Variants in ZFHX3 observed in about 807,000 individuals in gnomAD.
ZFHX3 encodes the protein zinc finger homeobox protein 3.
ZFHX3 carries 42 observed loss-of-function variants against 279.1 expected under a neutral mutation model. The ratio of observed to expected loss-of-function variants is 0.15; its 90% CI spans 0.12 to 0.19. The LOEUF (loss-of-function observed/expected upper bound fraction) is 0.19. Among genes scored for constraint, ZFHX3 ranks in the 10% least tolerant of loss-of-function variants. The pLI, the probability that ZFHX3 is intolerant of heterozygous loss-of-function variation, is 1.00. For missense variants in ZFHX3, 4,981 were observed against 4,754.0 expected (o/e 1.05, Z -1.40); for synonymous variants, 2,293 against 1,957.8 (o/e 1.17, Z -4.52).
Position 73,753,985 on chromosome 16 carries a change from A to AGTGTGTGTGTGTGTGTGTGTGT in ZFHX3, c.-1607-73746_-1607-73745insACACACACACACACACACACAC, listed in dbSNP as rs2053783574. On this transcript the variant is annotated intron_variant, in intron 1 of 17. Transcript: ENST00000641206. ...AGTAATGAGAAAAATAGTAAGAATC[A>AGTGTGTGTGTGTGTGTGTGTGT]ATGTGTGTGTGTGTGTGTGTGTAAA... is the stretch of plus-strand genomic sequence containing the variant. Among the ~76,000 whole-genome samples the AGTGTGTGTGTGTGTGTGTGTGT allele has an allele frequency of 2.4e-4, 7 of 29,452 alleles. No homozygotes were observed. In the South Asian group the frequency reaches 7.8e-3, roughly 33 times the overall value. 19.3% of individuals were successfully genotyped at this position (29,452 alleles called of 152,430 possible). A position where few individuals can be genotyped will look rare whatever the true frequency, so the allele number is the denominator to read the frequency against.
chr16:73,712,328 T>C (rs1469955399), intron 1 of ZFHX3, among the ~76,000 whole-genome samples: 1 of 152,224 alleles, frequency 6.6e-6, no homozygotes, highest in Non-Finnish European at 1.5e-5. Flanking sequence ...CCCTTCTTCC[T>C]TGGGGACAAA....
chr16:72,951,842 A>C (rs1961015221), intron 2 of ZFHX3, among the ~76,000 whole-genome samples: 1 of 152,176 alleles, frequency 6.6e-6, no homozygotes, highest in Admixed American at 6.5e-5. Context: ...ACTAATAAAT[A>C]CCTGAAATAT....
intron 2 of ZFHX3, among the ~76,000 whole-genome samples, chr16:73,659,722 A>C (rs1030703708): frequency 6.6e-6 from 1 of 152,200 alleles, no homozygotes; most frequent in African/African-American, 2.4e-5. Context: ...AGAAGAGTAT[A>C]ACTGCATTCT....
At chr16:72,875,566 C>A (rs2038287663) in intron 4 of ZFHX3, among the ~76,000 whole-genome samples, 1 of 152,248 alleles carries the variant, frequency 6.6e-6, no homozygotes, top group Non-Finnish European at 1.5e-5. Context: ...TTGCAGCTTT[C>A]ACTAGAAGAG....
At chr16:73,366,424 C>T (rs61205476) in intron 3 of ZFHX3, among the ~76,000 whole-genome samples, 1 of 151,538 alleles carries the variant, frequency 6.6e-6, no homozygotes, top group Non-Finnish European at 1.5e-5. Context: ...TGGAAAAAAA[C>T]AAATAGATGA....
intron 7 of ZFHX3, among the ~76,000 whole-genome samples, chr16:73,103,737 T>C (rs1966260010): frequency 6.6e-6 from 1 of 152,190 alleles, no homozygotes; most frequent in South Asian, 2.1e-4. Flanking sequence ...CCAATGATTG[T>C]GGCAGTGGCC....
At chr16:73,865,255 G>A (rs1001516835) in intron 1 of ZFHX3, among the ~76,000 whole-genome samples, 3 of 152,208 alleles carry the variant, frequency 2.0e-5, no homozygotes, top group African/African-American at 7.2e-5. Context: ...TGCAGCAAAT[G>A]CTAACTGATG....
intron 1 of ZFHX3, among the ~76,000 whole-genome samples, chr16:72,969,013 T>C (rs887779832): frequency 6.6e-6 from 1 of 152,100 alleles, no homozygotes; most frequent in African/African-American, 2.4e-5. Flanking sequence ...GATGTTACCA[T>C]AGGAGGAGTC....
Position 73,337,893 on chromosome 16 carries a change from G to GGGT in ZFHX3, c.-1290-19558_-1290-19557insACC, listed in dbSNP as rs1555510888. ...CAATAAGTCTTCATCTTCCCTTGGC[G>GGGT]GGGGGGGGGGTCCTCATCCCCTTTT... On this transcript the variant is annotated intron_variant, in intron 3 of 17. Transcript: ENST00000641206. Among the ~76,000 whole-genome samples, 11 of 25,368 alleles carry GGGT rather than the reference G, an allele frequency of 4.3e-4. 2 individuals are homozygous for GGGT. The highest frequency in any genetic ancestry group is 3.5e-3 in the Non-Finnish European group (10 of 2,874). The allele number at this position is 25,368 out of a possible 152,430, so 16.6% of individuals were successfully genotyped here.
At chr16:73,541,315 T>A (rs1028088477) in intron 2 of ZFHX3, among the ~76,000 whole-genome samples, 1 of 151,896 alleles carries the variant, frequency 6.6e-6, no homozygotes, top group African/African-American at 2.4e-5. Flanking sequence ...CGAGACCTCA[T>A]CTCTACGACA....
At chr16:73,236,801 C>T (rs2012963382) in intron 5 of ZFHX3, among the ~76,000 whole-genome samples, 1 of 152,184 alleles carries the variant, frequency 6.6e-6, no homozygotes, top group Non-Finnish European at 1.5e-5. Flanking sequence ...ATCCACAGCA[C>T]TCTTCATCTC....
At chr16:73,477,659 C>A (rs1024827276) in intron 2 of ZFHX3, among the ~76,000 whole-genome samples, 4 of 152,204 alleles carry the variant, frequency 2.6e-5, no homozygotes, top group African/African-American at 9.6e-5. Flanking sequence ...CAGCACTCTG[C>A]ACTGGTAGCC....
At chr16:73,380,823 A>G (rs1382606391) in intron 3 of ZFHX3, among the ~76,000 whole-genome samples, 1 of 152,160 alleles carries the variant, frequency 6.6e-6, no homozygotes, top group Non-Finnish European at 1.5e-5. Context: ...TGGGAAACAC[A>G]GTGAGACCCC....
chr16:72,949,832 G>A (rs1960890807), intron 3 of ZFHX3, among the ~76,000 whole-genome samples: 1 of 150,528 alleles, frequency 6.6e-6, no homozygotes, highest in African/African-American at 2.4e-5. Context: ...CTTCTAGCCT[G>A]CTACAAAATT....
At chr16:73,261,745 G>C (rs1040381602) in intron 4 of ZFHX3, among the ~76,000 whole-genome samples, 1 of 136,826 alleles carries the variant, frequency 7.3e-6, no homozygotes, top group Non-Finnish European at 1.5e-5. Context: ...GCACAATCTC[G>C]GCTCACCGCA....
intron 4 of ZFHX3, among the ~76,000 whole-genome samples, chr16:72,886,433 A>G (rs2038623072): frequency 6.6e-6 from 1 of 152,190 alleles, no homozygotes; most frequent in South Asian, 2.1e-4. Context: ...AGGAACCTCG[A>G]AGGCACTGGT....
chr16:72,937,505 A>T (rs966111213), intron 3 of ZFHX3, among the ~76,000 whole-genome samples: 4 of 152,170 alleles, frequency 2.6e-5, no homozygotes, highest in Admixed American at 6.5e-5. Flanking sequence ...AGCAACTGGG[A>T]GGGGACATGG....
At chr16:73,829,175 C>G (rs1200860877) in intron 1 of ZFHX3, among the ~76,000 whole-genome samples, 2 of 89,838 alleles carry the variant, frequency 2.2e-5, no homozygotes, top group Non-Finnish European at 3.7e-5. Flanking sequence ...TTGCTGATAC[C>G]CTTTCTTCCA....
chr16:73,788,474 G>C (rs1440189204), intron 1 of ZFHX3, among the ~76,000 whole-genome samples: 1 of 152,154 alleles, frequency 6.6e-6, no homozygotes, highest in East Asian at 1.9e-4. Context: ...ATTATACAAA[G>C]TGACTTCACA....
Sources: gnomAD v4.1 joint callset for allele counts (sites outside exome capture counted in the v4.1 genomes callset) on GRCh38, gnomAD v4.1.1 for gene constraint, MANE v1.5 for transcripts, NCBI Gene and HGNC (gene_info 2026-07-23, HGNC 2026-07-21) for gene names.